The following GALNT14 variants were observed in gnomAD, a reference collection of about 807,000 sequenced individuals.
The protein encoded by GALNT14 is polypeptide N-acetylgalactosaminyltransferase 14.
Under a neutral mutation model 77.5 loss-of-function variants are expected in GALNT14, and 60 were observed. That is an observed-to-expected ratio of 0.77 (90% confidence interval 0.63 to 0.96). The LOEUF (loss-of-function observed/expected upper bound fraction) is 0.96, where lower values mean the gene tolerates loss of function less well. GALNT14 is among the 40% of genes least tolerant of loss of function. GALNT14 has a pLI of 0.00. For missense variants in GALNT14, 710 were observed against 731.0 expected (o/e 0.97, Z 0.33); for synonymous variants, 280 against 281.7 (o/e 0.99, Z 0.06).
intron 2 of GALNT14, among the ~76,000 whole-genome samples, chr2:30,987,874 C>G (rs1669406806): frequency 6.6e-6 from 1 of 152,164 alleles, no homozygotes; most frequent in African/African-American, 2.4e-5. Flanking sequence ...CAAACGCATC[C>G]TATAAATCAG....
chr2:30,968,932 G>A (rs577744556), intron 2 of GALNT14, among the ~76,000 whole-genome samples: 37 of 152,288 alleles, frequency 2.4e-4, no homozygotes, highest in African/African-American at 8.7e-4. Flanking sequence ...GGCATTGCTC[G>A]TAGGTAGTTG....
At chr2:30,948,192 C>A (rs915238838) in intron 6 of GALNT14, among the ~76,000 whole-genome samples, 2 of 152,260 alleles carry the variant, frequency 1.3e-5, no homozygotes, top group Non-Finnish European at 2.9e-5. Flanking sequence ...GTATGTCTGA[C>A]AAAGTCTTGG....
At chr2:30,971,986 G>A (rs2148355227) in intron 2 of GALNT14, among the ~76,000 whole-genome samples, 1 of 152,350 alleles carries the variant, frequency 6.6e-6, no homozygotes, top group East Asian at 1.9e-4. Context: ...TGGCTTGTCT[G>A]CCGGGGCCAG....
chr2:31,052,876 C>T (rs936081745), intron 1 of GALNT14, among the ~76,000 whole-genome samples: 6 of 152,118 alleles, frequency 3.9e-5, no homozygotes, highest in Non-Finnish European at 5.9e-5. Context: ...TCTCTGAAAC[C>T]GAAATAGAAC....
At chr2:30,902,236 C>A in the GALNT14 span, among the ~76,000 whole-genome samples, 1 of 152,144 alleles carries the variant, frequency 6.6e-6, no homozygotes, top group African/African-American at 2.4e-5. Flanking sequence ...GGCTGCTTTG[C>A]TCACTTTTAA....
intron 1 of GALNT14, among the ~76,000 whole-genome samples, chr2:31,099,458 A>G (rs550342802): frequency 8.9e-4 from 135 of 151,780 alleles, no homozygotes; most frequent in African/African-American, 3.0e-3. Context: ...TTTTTATTTT[A>G]TGGTTTCAAG....
chr2:31,049,694 C>G (rs1673714510), intron 1 of GALNT14, among the ~76,000 whole-genome samples: 1 of 152,136 alleles, frequency 6.6e-6, no homozygotes, highest in South Asian at 2.1e-4. Flanking sequence ...AGGCCAGCAG[C>G]CTGGCTGGAA....
intron 1 of GALNT14, among the ~76,000 whole-genome samples, chr2:31,085,800 A>G (rs1010922598): frequency 2.6e-5 from 4 of 152,232 alleles, no homozygotes; most frequent in Admixed American, 2.0e-4. Context: ...TCATACTGCT[A>G]TGAAGAAATA....
chr2:31,005,892 C>T (rs1670643488), intron 1 of GALNT14, among the ~76,000 whole-genome samples: 1 of 152,204 alleles, frequency 6.6e-6, no homozygotes. Context: ...AGAAATTGAG[C>T]TTTGTGCTAA....
chr2:30,923,737 G>A (rs1435542747), intron 13 of GALNT14, among the ~76,000 whole-genome samples: 1 of 152,164 alleles, frequency 6.6e-6, no homozygotes, highest in Non-Finnish European at 1.5e-5. Flanking sequence ...GTCACCCAGC[G>A]GCAGTCTTCT....
intron 1 of GALNT14, among the ~76,000 whole-genome samples, chr2:31,133,343 T>C (rs1679078257): frequency 6.6e-6 from 1 of 152,170 alleles, no homozygotes; most frequent in East Asian, 1.9e-4. Flanking sequence ...TAATAGGGTC[T>C]CTCTCTAAAA....
At chr2:30,913,373 T>C (rs544395212) in intron 13 of GALNT14, among the ~76,000 whole-genome samples, 15 of 152,238 alleles carry the variant, frequency 9.9e-5, no homozygotes, top group African/African-American at 2.9e-4. Flanking sequence ...AGGTTACTCA[T>C]TGGCTACTTC....
Position 31,138,305 on chromosome 2 carries a change from G to A in GALNT14, c.-219C>T. The A allele has an allele frequency of 9.1e-6, 5 of 548,954 alleles. No homozygotes were observed. Among genetic ancestry groups the A allele is most frequent in the Non-Finnish European group, 1.6e-5 (5 of 315,398 alleles). 34.0% of individuals were successfully genotyped at this position (548,954 alleles called of 1,614,324 possible). ...GCAGGGCGACCCGAAACGTGGCAGG[G>A]AAGGACCGAGGGCAGCCAAGCTGGA... On this transcript the variant is annotated 5_prime_UTR_variant, in exon 1 of 15. Transcript: ENST00000349752.
intron 9 of GALNT14, among the ~76,000 whole-genome samples, chr2:30,935,336 C>G (rs1009347089): frequency 6.6e-6 from 1 of 152,168 alleles, no homozygotes; most frequent in Non-Finnish European, 1.5e-5. Context: ...GCAAAGAAAC[C>G]AACTTCAAGG....
At chr2:30,941,417 C>T (rs1666370759) in intron 9 of GALNT14, among the ~76,000 whole-genome samples, 1 of 152,166 alleles carries the variant, frequency 6.6e-6, no homozygotes. Flanking sequence ...CTGCATGGTG[C>T]CAAGATTTTA....
intron 11 of GALNT14, among the ~76,000 whole-genome samples, chr2:30,926,364 G>A (rs537128775): frequency 2.4e-4 from 37 of 152,262 alleles, no homozygotes; most frequent in African/African-American, 8.2e-4. Flanking sequence ...AACTCTTCAC[G>A]GGGATGGGAA....
chr2:31,042,907 G>A (rs78037292), intron 1 of GALNT14, among the ~76,000 whole-genome samples: 43 of 152,254 alleles, frequency 2.8e-4, no homozygotes, highest in African/African-American at 9.9e-4. Context: ...GTCAGATCAT[G>A]TCATTCCTTT....
chr2:31,057,150 G>A (rs79932749), intron 1 of GALNT14, among the ~76,000 whole-genome samples: 1,860 of 151,666 alleles, frequency 0.012, 26 homozygotes, highest in African/African-American at 0.043. Context: ...AGGAGGGAGG[G>A]GACAAGGGTT....
intron 1 of GALNT14, among the ~76,000 whole-genome samples, chr2:31,039,367 G>A (rs886641415): frequency 3.3e-5 from 5 of 152,150 alleles, no homozygotes; most frequent in Non-Finnish European, 7.3e-5. Flanking sequence ...AACCTTTTTA[G>A]TGCACAGAAA....
Sources: allele counts gnomAD v4.1 joint callset (sites outside exome capture counted in the v4.1 genomes callset), GRCh38; gene constraint gnomAD v4.1.1; transcripts MANE v1.5; gene names NCBI Gene and HGNC (gene_info 2026-07-23, HGNC 2026-07-21).